Variants in ADAMTS17 observed in about 807,000 individuals in gnomAD.
ADAMTS17 encodes ADAM metallopeptidase with thrombospondin type 1 motif 17.
ADAMTS17 carries 113 observed loss-of-function variants against 141.5 expected under a neutral mutation model. That is an observed-to-expected ratio of 0.80 (90% CI 0.69 to 0.93). The LOEUF is 0.93. Ranked by LOEUF, ADAMTS17 falls within the 40% of genes least tolerant of loss-of-function variation. The pLI is 0.00. For missense variants in ADAMTS17, 1,659 were observed against 1,517.9 expected, an observed-to-expected ratio of 1.09 and a Z score of -1.54; for synonymous variants, 768 against 630.6, an observed-to-expected ratio of 1.22 and a Z score of -3.27.
chr15:100,152,713 T>C lies in ADAMTS17; in HGVS notation c.1372A>G (p.Thr458Ala). ...LLVTDPRSQHTVRLPHKLPGM... is the reference protein window; with the variant it reads ...LLVTDPRSQHAVRLPHKLPGM... ...GGCAGCTTGTGCGGGAGGCGTACTGTGTGCTGGCTTCTGGGGTCCGTGACT... is the reference window on the plus strand; with the variant it reads ...GGCAGCTTGTGCGGGAGGCGTACTGCGTGCTGGCTTCTGGGGTCCGTGACT... Residue 458 changes from threonine to alanine, a missense_variant, in exon 10 of 22, where the codon ACA (threonine) becomes GCA (alanine). Coordinates refer to ENST00000268070, the MANE Select transcript of ADAMTS17 (RefSeq NM_139057.4). The C allele has an allele frequency of 6.2e-7, 1 of 1,614,240 alleles. No homozygotes were observed. Among genetic ancestry groups the C allele is most frequent in the Non-Finnish European group, 8.5e-7 (1 of 1,180,044 alleles).
chr15:100,223,194 T>C (rs1159147822), intron 7 of ADAMTS17, among the ~76,000 whole-genome samples: 1 of 152,134 alleles, frequency 6.6e-6, no homozygotes, highest in African/African-American at 2.4e-5. Flanking sequence ...TAAGGCAAAC[T>C]GGAAACTGTC....
intron 4 of ADAMTS17, among the ~76,000 whole-genome samples, chr15:100,274,197 T>C (rs1173418089): frequency 6.6e-6 from 1 of 152,236 alleles, no homozygotes; most frequent in Non-Finnish European, 1.5e-5. Flanking sequence ...CTAGATCCAG[T>C]TGACTTATTG....
At chr15:100,011,923 G>A (rs1461137332) in intron 18 of ADAMTS17, among the ~76,000 whole-genome samples, 3 of 152,172 alleles carry the variant, frequency 2.0e-5, no homozygotes, top group South Asian at 4.2e-4. Flanking sequence ...TGGGATTGCT[G>A]GGCCAAATGG....
At chr15:100,286,131 C>T (rs765702378) in intron 3 of ADAMTS17, among the ~76,000 whole-genome samples, 6 of 152,316 alleles carry the variant, frequency 3.9e-5, no homozygotes, top group Non-Finnish European at 7.3e-5. Context: ...AGCAGCCTCT[C>T]CCACCACTTT....
intron 6 of ADAMTS17, among the ~76,000 whole-genome samples, 185 bp from the exon 7 acceptor site, chr15:100,254,364 G>GA (rs1253166803): frequency 6.6e-6 from 1 of 152,196 alleles, no homozygotes; most frequent in African/African-American, 2.4e-5. Context: ...CCCGGGGTAG[G>GA]TCCACTTACC....
chr15:100,122,022 T>C (rs962911288), intron 12 of ADAMTS17, among the ~76,000 whole-genome samples: 7 of 152,164 alleles, frequency 4.6e-5, no homozygotes, highest in African/African-American at 1.7e-4. Context: ...TGGGCCCCAG[T>C]TGCACCCTCT....
chr15:100,019,922 G>GT (rs2061370557), intron 18 of ADAMTS17, among the ~76,000 whole-genome samples: 4 of 151,770 alleles, frequency 2.6e-5, no homozygotes, highest in African/African-American at 9.7e-5. Flanking sequence ...TGCTTTCTTT[G>GT]TTTTGATCAC....
Position 100,100,252 on chromosome 15 carries a change from T to G in ADAMTS17, c.2017-3776A>C, listed in dbSNP as rs368881148. On this transcript the variant is annotated intron_variant, in intron 14 of 21. Coordinates refer to ENST00000268070, the MANE Select transcript of ADAMTS17 (RefSeq NM_139057.4). ...ATTCTCCTCCCAGCCCCTGGATGAC[T>G]CCTCCCTCCTCTTGCTTCTTCGACT... 2.0e-4 allele frequency among the ~76,000 whole-genome samples: 31 copies of G among 152,304 alleles called. 1 individual carries two copies. Among genetic ancestry groups the G allele is most frequent in the Admixed American group, 1.5e-3 (23 of 15,300 alleles).
intron 8 of ADAMTS17, among the ~76,000 whole-genome samples, chr15:100,156,104 A>C (rs945122378): frequency 6.6e-6 from 1 of 152,254 alleles, no homozygotes; most frequent in African/African-American, 2.4e-5. Context: ...TCATTCAAAA[A>C]TATTAGACAC....
chr15:100,098,250 A>G (rs540942960), intron 14 of ADAMTS17, among the ~76,000 whole-genome samples: 16 of 152,050 alleles, frequency 1.1e-4, no homozygotes, highest in African/African-American at 3.6e-4. Context: ...ACCTGGAGGG[A>G]AGCCAGCTGT....
At chr15:100,258,966 T>C (rs2043424113) in intron 6 of ADAMTS17, among the ~76,000 whole-genome samples, 1 of 151,992 alleles carries the variant, frequency 6.6e-6, no homozygotes. Flanking sequence ...AAAAATGCCA[T>C]TCATCCCCAA....
At chr15:100,008,122 G>A (rs1352802514) in intron 18 of ADAMTS17, among the ~76,000 whole-genome samples, 1 of 152,048 alleles carries the variant, frequency 6.6e-6, no homozygotes, top group Non-Finnish European at 1.5e-5. Flanking sequence ...AGGAGAGGGT[G>A]GTCCCAATGC....
Position 100,132,075 on chromosome 15 carries a change from G to A in ADAMTS17, c.1653C>T (p.Ala551=), listed in dbSNP as rs776977343. The A allele has an allele frequency of 6.2e-7, 1 of 1,614,188 alleles. No homozygotes were observed. The highest frequency in any genetic ancestry group is 8.5e-7 in the Non-Finnish European group (1 of 1,180,020). ...HVDGDWSPWG[A]WSMCSRTCGT... ...CACATGTTCGGCTGCACATGCTCCA[G>A]GCGCCCCACGGGCTCCAGTCTCCGT... The change falls in exon 12 of 22, where the codon GCC becomes GCT. Residue 551 remains alanine (A), a synonymous_variant. Transcript: ENST00000268070.
At chr15:100,100,316 T>C (rs910600172) in intron 14 of ADAMTS17, among the ~76,000 whole-genome samples, 4 of 152,190 alleles carry the variant, frequency 2.6e-5, no homozygotes, top group African/African-American at 9.7e-5. Context: ...TCCCTGCTTT[T>C]TCCGATTTTT....
intron 7 of ADAMTS17, among the ~76,000 whole-genome samples, chr15:100,202,967 C>A (rs561223008): frequency 3.3e-5 from 5 of 150,878 alleles, no homozygotes; most frequent in African/African-American, 1.0e-4. Context: ...CCACAGATCA[C>A]AGAACTTATT....
chr15:100,107,491 G>A (rs571838515), intron 14 of ADAMTS17, among the ~76,000 whole-genome samples: 10 of 152,290 alleles, frequency 6.6e-5, no homozygotes, highest in African/African-American at 2.2e-4. Flanking sequence ...CGTATGTGTG[G>A]CTGAGGGCAG....
chr15:99,994,134 C>T (rs150909156), intron 19 of ADAMTS17, among the ~76,000 whole-genome samples: 48 of 152,258 alleles, frequency 3.2e-4, no homozygotes, highest in Middle Eastern at 3.4e-3. Context: ...GACCCACAGC[C>T]TCGGGAAGAC....
intron 12 of ADAMTS17, among the ~76,000 whole-genome samples, chr15:100,123,006 G>C (rs1036879480): frequency 1.3e-5 from 2 of 152,224 alleles, no homozygotes. Flanking sequence ...CCTTGTGGGG[G>C]AGGGTGTGGC....
intron 3 of ADAMTS17, among the ~76,000 whole-genome samples, chr15:100,287,216 G>C (rs917209394): frequency 6.6e-6 from 1 of 152,098 alleles, no homozygotes; most frequent in African/African-American, 2.4e-5. Flanking sequence ...ATCTGATGGA[G>C]CTGAAAATCT....
Sources: allele counts gnomAD v4.1 joint callset (sites outside exome capture counted in the v4.1 genomes callset), GRCh38; gene constraint gnomAD v4.1.1; transcripts MANE v1.5; gene names NCBI Gene and HGNC (gene_info 2026-07-23, HGNC 2026-07-21).